Variants in PLCXD1 observed in about 807,000 individuals in gnomAD.
PLCXD1 encodes phosphatidylinositol specific phospholipase C X domain containing 1, also known as PI-PLC X domain-containing protein 1.
A neutral mutation model predicts 37.8 loss-of-function variants in PLCXD1; 45 were observed. The ratio of observed to expected loss-of-function variants is 1.19; its 90% CI spans 0.94 to 1.53. The LOEUF is 1.53. Among genes scored for constraint, PLCXD1 ranks in the 40% most tolerant of loss-of-function variants. The pLI, the probability that PLCXD1 is intolerant of heterozygous loss-of-function variation, is 0.00. For synonymous variants in PLCXD1, 246 were observed against 206.9 expected, an observed-to-expected ratio of 1.19 and a Z score of -1.62; for missense variants, 539 against 454.7, an observed-to-expected ratio of 1.19 and a Z score of -1.69.
At chrX:278,896 G>A (rs1423483007), upstream of PLCXD1, among the ~76,000 whole-genome samples, 1 of 152,156 alleles carries the variant, frequency 6.6e-6, no homozygotes, top group Non-Finnish European at 1.5e-5. Context: ...CGTGTAAGAC[G>A]AACCTTGGTT....
intron 1 of PLCXD1, among the ~76,000 whole-genome samples, chrX:282,396 A>G (rs991844104): frequency 6.7e-5 from 7 of 104,466 alleles, no homozygotes; most frequent in African/African-American, 2.8e-4. Context: ...AAAAAACAAA[A>G]CAAAACAAAA....
At chrX:289,590 C>T (rs1346973983) in intron 3 of PLCXD1, among the ~76,000 whole-genome samples, 1 of 149,580 alleles carries the variant, frequency 6.7e-6, no homozygotes, top group Non-Finnish European at 1.5e-5. Flanking sequence ...CGGCTCACTG[C>T]AAGCTCCGCC....
chrX:292,917 T>C, intron 5 of PLCXD1, 118 bp from the exon 6 acceptor site: 1 of 652,390 alleles, frequency 1.5e-6, no homozygotes, highest in Non-Finnish European at 2.6e-6. Context: ...CCGGCCAGAA[T>C]TTCATTTTTG....
Position 284,251 on chromosome X carries a change from G to T in PLCXD1, c.64G>T (p.Asp22Tyr). 2 of 1,613,298 alleles carry T rather than the reference G, an allele frequency of 1.2e-6. No individual in the cohort carries two copies. Among genetic ancestry groups the T allele is most frequent in the South Asian group, 2.2e-5 (2 of 91,056 alleles). The change falls in exon 2 of 7, where the codon GAC becomes TAC. Residue 22 changes from aspartate (D) to tyrosine (Y), a missense_variant. By Grantham distance (160) the Asp-to-Tyr change is radical. Transcript: ENST00000381657. Reference sequence around the variant, plus strand: ...GCTGCACTGCAGAAATGCCAACGAGGACTGGATGTCGGCACTGTGTCCCCG... The same window carrying T: ...GCTGCACTGCAGAAATGCCAACGAGTACTGGATGTCGGCACTGTGTCCCCG... ...SRLHCRNANE[D>Y]WMSALCPRLW... is the part of the protein sequence containing the mutation.
intron 2 of PLCXD1, 140 bp from the exon 3 acceptor site, chrX:288,593 G>T (rs1004490215): frequency 2.3e-6 from 2 of 878,560 alleles, no homozygotes; most frequent in Non-Finnish European, 3.8e-6. Flanking sequence ...TTGGGGGTCA[G>T]CGTGCACCCC....
intron 1 of PLCXD1, among the ~76,000 whole-genome samples, chrX:282,229 A>T (rs2069294633): frequency 6.6e-6 from 1 of 152,136 alleles, no homozygotes; most frequent in Non-Finnish European, 1.5e-5. Context: ...AAAATCTTAC[A>T]TACATTGCCG....
upstream of PLCXD1, among the ~76,000 whole-genome samples, chrX:277,276 G>A: frequency 1.1e-5 from 1 of 94,072 alleles, no homozygotes; most frequent in Non-Finnish European, 2.5e-5. Context: ...CGTGGGGACA[G>A]ATGTGGGGAT....
chrX:294,386 G>A (rs2069737293), intron 6 of PLCXD1, among the ~76,000 whole-genome samples: 1 of 151,936 alleles, frequency 6.6e-6, no homozygotes, highest in Non-Finnish European at 1.5e-5. Context: ...GGAGGCTGAG[G>A]TAGGAGAATG....
At chrX:286,174 C>T (rs967500468) in intron 2 of PLCXD1, among the ~76,000 whole-genome samples, 3 of 151,968 alleles carry the variant, frequency 2.0e-5, no homozygotes, top group Non-Finnish European at 2.9e-5. Context: ...AAGCGATTCT[C>T]CTGCCTCAGC....
At chrX:295,749 G>T (rs1368453217) in intron 6 of PLCXD1, among the ~76,000 whole-genome samples, 1 of 151,828 alleles carries the variant, frequency 6.6e-6, no homozygotes, top group African/African-American at 2.4e-5. Flanking sequence ...GGCTGGTCTC[G>T]AACTCCTGAC....
chrX:296,801 C>T (rs1198151925), intron 6 of PLCXD1, among the ~76,000 whole-genome samples: 22 of 152,184 alleles, frequency 1.4e-4, no homozygotes, highest in African/African-American at 4.8e-4. Context: ...GGGATTAGGA[C>T]GTGGACATCT....
In PLCXD1 at chrX:293,018, A is replaced by C; in HGVS notation, c.550-17A>C. On this transcript the variant is annotated splice_polypyrimidine_tract_variant and intron_variant, in intron 5 of 6. Coordinates refer to ENST00000381657, the MANE Select transcript of PLCXD1 (RefSeq NM_018390.4). Reference sequence around the variant, plus strand: ...TCTCCTCTCTCCCCTGCACCCCTTAACTCTGGTCCTTTGCAGGAGGTGCCG... The same window carrying C: ...TCTCCTCTCTCCCCTGCACCCCTTACCTCTGGTCCTTTGCAGGAGGTGCCG... 1 of 1,591,562 alleles carries C rather than the reference A, an allele frequency of 6.3e-7. No individual in the cohort carries two copies. Among genetic ancestry groups the C allele is most frequent in the Non-Finnish European group, 8.6e-7 (1 of 1,166,218 alleles).
chrX:291,382 G>A (rs1272372770), intron 4 of PLCXD1, 117 bp from the exon 5 acceptor site: 1 of 1,104,480 alleles, frequency 9.1e-7, no homozygotes, highest in African/African-American at 1.5e-5. Context: ...CTAACCTCAG[G>A]TGATCCACCC....
At chrX:287,775 C>G (rs942408817) in intron 2 of PLCXD1, among the ~76,000 whole-genome samples, 2 of 148,118 alleles carry the variant, frequency 1.4e-5, no homozygotes, top group Non-Finnish European at 3.0e-5. Flanking sequence ...ATATTTATAT[C>G]TATATTTAAG....
intron 3 of PLCXD1, 37 bp from the exon 4 acceptor site, chrX:290,611 T>C: frequency 1.2e-6 from 2 of 1,610,934 alleles, no homozygotes; most frequent in Non-Finnish European, 1.7e-6. Context: ...GACGCGGCGC[T>C]CAGCCAGGCA....
At chrX:278,838 A>G (rs2069205177), upstream of PLCXD1, among the ~76,000 whole-genome samples, 2 of 151,638 alleles carry the variant, frequency 1.3e-5, no homozygotes, top group Admixed American at 6.6e-5. Context: ...TGGTCGGAGG[A>G]CATCTTGGTA....
chrX:279,786 AAAG>A (rs1201947027), upstream of PLCXD1, among the ~76,000 whole-genome samples: 3 of 152,010 alleles, frequency 2.0e-5, no homozygotes, highest in African/African-American at 4.8e-5. Context: ...AAAAAAAAAA[AAAG>A]AAGAAAAAAA....
At chrX:290,253 A>C (rs183924526) in intron 3 of PLCXD1, among the ~76,000 whole-genome samples, 11,375 of 151,952 alleles carry the variant, frequency 0.075, 547 homozygotes, top group Non-Finnish European at 0.11. Context: ...TGTTGAAACC[A>C]CATCTCTACT....
upstream of PLCXD1, among the ~76,000 whole-genome samples, chrX:279,938 C>T (rs1445983296): frequency 6.6e-6 from 1 of 152,160 alleles, no homozygotes; most frequent in Non-Finnish European, 1.5e-5. Context: ...CAACCTCCGC[C>T]TCCCGGGTTC....
Sources: gnomAD v4.1 joint callset for allele counts (sites outside exome capture counted in the v4.1 genomes callset) on GRCh38, gnomAD v4.1.1 for gene constraint, MANE v1.5 for transcripts, NCBI Gene and HGNC (gene_info 2026-07-23, HGNC 2026-07-21) for gene names.